Variants in ANO4 observed in about 807,000 individuals in gnomAD.
The protein encoded by ANO4 is anoctamin 4, also known as anoctamin-4.
A neutral mutation model predicts 141.9 loss-of-function variants in ANO4; 69 were observed. That is an observed-to-expected ratio of 0.49 (90% confidence interval 0.40 to 0.59). The LOEUF is 0.59. ANO4 is among the 20% of genes least tolerant of loss of function. ANO4 has a pLI of 0.00. For missense variants in ANO4, 894 were observed against 1,162.2 expected, an observed-to-expected ratio of 0.77 and a Z score of 3.36; for synonymous variants, 350 against 394.3, an observed-to-expected ratio of 0.89 and a Z score of 1.33.
chr12:100,740,032 A>G (rs1196861428), exon 3 of ANO4: 1 of 702,618 alleles, frequency 1.4e-6, no homozygotes, highest in Admixed American at 2.0e-5. Context: ...TGTCCTGTCC[A>G]GCCTCACTGT....
intron 2 of ANO4, among the ~76,000 whole-genome samples, chr12:100,739,041 C>T (rs368954364): frequency 1.9e-5 from 2 of 103,516 alleles, no homozygotes; most frequent in African/African-American, 3.3e-5. Flanking sequence ...ATCTCTAAAT[C>T]TTTATATATA....
chr12:100,970,606 G>C (rs1385923338), intron 5 of ANO4, among the ~76,000 whole-genome samples: 2 of 151,594 alleles, frequency 1.3e-5, no homozygotes, highest in Non-Finnish European at 2.9e-5. Flanking sequence ...TTTATCTTCA[G>C]AACACTCAAT....
chr12:100,853,325 A>T (rs1252960517), intron 1 of ANO4, among the ~76,000 whole-genome samples: 1 of 152,114 alleles, frequency 6.6e-6, no homozygotes, highest in Non-Finnish European at 1.5e-5. Flanking sequence ...TTTATTGTTA[A>T]GTACATTGTA....
chr12:100,866,901 T>G (rs1482463972), intron 1 of ANO4, among the ~76,000 whole-genome samples: 1 of 152,196 alleles, frequency 6.6e-6, no homozygotes, highest in Non-Finnish European at 1.5e-5. Flanking sequence ...TATACTAAAT[T>G]CTGTGGGACA....
intron 2 of ANO4, among the ~76,000 whole-genome samples, chr12:100,918,533 A>T (rs894562069): frequency 6.6e-6 from 1 of 152,146 alleles, no homozygotes; most frequent in African/African-American, 2.4e-5. Context: ...GTGATGGACC[A>T]CATAAACCAT....
chr12:100,977,222 T>C (rs763056489), intron 7 of ANO4, among the ~76,000 whole-genome samples: 5 of 152,222 alleles, frequency 3.3e-5, no homozygotes, highest in African/African-American at 4.8e-5. Flanking sequence ...TATCCTTCTA[T>C]TCTTTCTGTC....
rs116286499 is a variant in ANO4, at chr12:100,746,029, T to A, written c.358+5924T>A. 3.6e-3 allele frequency among the ~76,000 whole-genome samples: 546 copies of A among 152,242 alleles called. 3 individuals are homozygous for A. The highest frequency in any genetic ancestry group is 0.013 in the African/African-American group (524 of 41,548). ...AGTGCTGAAGGAAACGAAGGTCAAT[T>A]CAGAATTCCAGATACAGCTAAGTGA... is the stretch of plus-strand genomic sequence containing the variant. On this transcript the variant is annotated intron_variant, in intron 3 of 29. Transcript: ENST00000644049.
intron 5 of ANO4, among the ~76,000 whole-genome samples, chr12:100,955,950 C>T (rs753385156): frequency 4.6e-5 from 7 of 152,258 alleles, no homozygotes; most frequent in Admixed American, 6.5e-5. Flanking sequence ...GAGGACTGCA[C>T]GGATTTCTCC....
chr12:100,827,066 TC>T (rs1410850217), intron 1 of ANO4, among the ~76,000 whole-genome samples: 4 of 152,024 alleles, frequency 2.6e-5, no homozygotes, highest in Non-Finnish European at 4.4e-5. Context: ...ACCAGAGTAG[TC>T]TTGTAAAACA....
chr12:100,897,673 A>T (rs1342645982), intron 1 of ANO4, among the ~76,000 whole-genome samples: 1 of 152,230 alleles, frequency 6.6e-6, no homozygotes, highest in Non-Finnish European at 1.5e-5. Context: ...GCATTACATG[A>T]TAAGGGCTAA....
intron 5 of ANO4, among the ~76,000 whole-genome samples, chr12:100,961,768 C>T (rs926500479): frequency 3.3e-5 from 5 of 152,144 alleles, no homozygotes; most frequent in Non-Finnish European, 5.9e-5. Context: ...CAGCACATCT[C>T]AATTTGAACT....
At chr12:100,896,090 A>C (rs2040338349) in intron 1 of ANO4, among the ~76,000 whole-genome samples, 1 of 152,112 alleles carries the variant, frequency 6.6e-6, no homozygotes, top group South Asian at 2.1e-4. Flanking sequence ...AAAGGCCAAA[A>C]TCAAAACTTT....
At chr12:100,887,595 C>T (rs776223154) in intron 1 of ANO4, among the ~76,000 whole-genome samples, 56 of 151,788 alleles carry the variant, frequency 3.7e-4, no homozygotes, top group Non-Finnish European at 7.2e-4. Context: ...CTGTCCTTGC[C>T]TTTGCTGCTT....
At chr12:100,927,919 G>A (rs1479335650) in intron 3 of ANO4, among the ~76,000 whole-genome samples, 1 of 152,106 alleles carries the variant, frequency 6.6e-6, no homozygotes, top group Non-Finnish European at 1.5e-5. Context: ...TGAGATCTGA[G>A]GAGTTAAAAG....
intron 3 of ANO4, among the ~76,000 whole-genome samples, chr12:100,787,768 A>G (rs1214809859): frequency 6.6e-6 from 1 of 152,206 alleles, no homozygotes; most frequent in African/African-American, 2.4e-5. Flanking sequence ...CAAAACAGTC[A>G]TCCATATAGG....
At chr12:100,779,145 G>GTGA (rs1380972146) in intron 3 of ANO4, among the ~76,000 whole-genome samples, 2 of 152,226 alleles carry the variant, frequency 1.3e-5, no homozygotes, top group Non-Finnish European at 2.9e-5. Context: ...CCCAGAGAGT[G>GTGA]TGATGCAGTA....
intron 7 of ANO4, among the ~76,000 whole-genome samples, chr12:100,978,368 A>G (rs1174899085): frequency 6.6e-6 from 1 of 152,244 alleles, no homozygotes; most frequent in Non-Finnish European, 1.5e-5. Context: ...TGGGATGGAC[A>G]ATAAGGGCTT....
intron 1 of ANO4, among the ~76,000 whole-genome samples, chr12:100,882,670 ACT>A (rs2039625739): frequency 7.0e-6 from 1 of 143,536 alleles, no homozygotes; most frequent in South Asian, 2.2e-4. Context: ...GTCTTCTGGA[ACT>A]CTGTTTTTTT....
intron 2 of ANO4, among the ~76,000 whole-genome samples, chr12:100,919,690 G>GTA (rs2041520274): frequency 2.8e-5 from 4 of 142,752 alleles, no homozygotes; most frequent in African/African-American, 1.1e-4. Context: ...GTGTGTGTGT[G>GTA]TGTGTGTGTG....
Sources: gnomAD v4.1 joint callset for allele counts (sites outside exome capture counted in the v4.1 genomes callset) on GRCh38, gnomAD v4.1.1 for gene constraint, MANE v1.5 for transcripts, NCBI Gene and HGNC (gene_info 2026-07-23, HGNC 2026-07-21) for gene names.